ASAP1: variants seen among roughly 807,000 people sequenced by gnomAD.
The protein encoded by ASAP1 is arf-GAP with SH3 domain, ANK repeat and PH domain-containing protein 1.
ASAP1 carries 43 observed loss-of-function variants against 145.2 expected under a neutral mutation model. That is an observed-to-expected ratio of 0.30 (90% CI 0.23 to 0.38). ASAP1 has a LOEUF of 0.38. Among genes scored for constraint, ASAP1 ranks in the 10% least tolerant of loss-of-function variants. The probability of loss-of-function intolerance (pLI) is 1.00; values close to 1 mark genes in which losing one functional copy is unlikely to be tolerated. For synonymous variants in ASAP1, 546 were observed against 515.5 expected, an observed-to-expected ratio of 1.06 and a Z score of -0.80; for missense variants, 1,018 against 1,355.3, an observed-to-expected ratio of 0.75 and a Z score of 3.91.
intron 29 of ASAP1, among the ~76,000 whole-genome samples, chr8:130,057,267 A>G (rs1483794248): frequency 6.6e-6 from 1 of 152,176 alleles, no homozygotes; most frequent in Non-Finnish European, 1.5e-5. Context: ...GTCAGGGCCG[A>G]TCTGGAATCT....
chr8:130,124,401 C>T lies in ASAP1; in HGVS notation c.1516-297G>A, dbSNP rs564133669. Among the ~76,000 whole-genome samples the T allele has an allele frequency of 2.0e-5, 3 of 152,208 alleles. No homozygotes were observed. The East Asian group carries it at 5.8e-4, about 29-fold the overall frequency. ...CATGTCTACAAATATGTGATAAATG[C>T]TAGAACAGAATCTGGTTCTACACAC... On this transcript the variant is annotated intron_variant, in intron 17 of 29. Coordinates refer to ENST00000518721, the MANE Select transcript of ASAP1 (RefSeq NM_018482.4).
chr8:130,072,791 A>ATGTGTGTG (rs1491261390), intron 27 of ASAP1, among the ~76,000 whole-genome samples: 1,199 of 91,140 alleles, frequency 0.013, 110 homozygotes, highest in African/African-American at 0.045. Context: ...CTTGCAATTG[A>ATGTGTGTG]TATGTGTGTG....
intron 3 of ASAP1, among the ~76,000 whole-genome samples, chr8:130,286,411 T>C (rs1348889849): frequency 6.6e-6 from 1 of 152,192 alleles, no homozygotes; most frequent in Admixed American, 6.5e-5. Flanking sequence ...ATCACTTACT[T>C]TGATATAAAA....
chr8:130,357,937 C>G (rs1014078686), intron 3 of ASAP1, 80 bp downstream of exon 3: 22 of 1,506,884 alleles, frequency 1.5e-5, no homozygotes, highest in Admixed American at 1.2e-4. Flanking sequence ...CGTCCCCTTC[C>G]TCCCAGCTCG....
chr8:130,303,488 G>A (rs1822801616), intron 3 of ASAP1, among the ~76,000 whole-genome samples: 1 of 151,974 alleles, frequency 6.6e-6, no homozygotes, highest in African/African-American at 2.4e-5. Flanking sequence ...ACCAAAAAAT[G>A]TTTCCAGAGA....
chr8:130,089,621 T>C (rs1157930525), intron 25 of ASAP1, among the ~76,000 whole-genome samples: 2 of 152,116 alleles, frequency 1.3e-5, no homozygotes, highest in African/African-American at 4.8e-5. Context: ...TACAATACAA[T>C]GTCAGCAGGA....
intron 3 of ASAP1, among the ~76,000 whole-genome samples, chr8:130,279,808 C>T (rs891891295): frequency 3.9e-5 from 6 of 152,058 alleles, no homozygotes; most frequent in Non-Finnish European, 7.4e-5. Context: ...AGCAGGAAAC[C>T]GGTCCACTAA....
intron 3 of ASAP1, among the ~76,000 whole-genome samples, chr8:130,348,486 C>G (rs1195665059): frequency 6.6e-6 from 1 of 152,176 alleles, no homozygotes; most frequent in Non-Finnish European, 1.5e-5. Context: ...TCTTACACAA[C>G]TGACCACAAA....
At chr8:130,319,260 C>G (rs905000690) in intron 3 of ASAP1, among the ~76,000 whole-genome samples, 20 of 152,144 alleles carry the variant, frequency 1.3e-4, no homozygotes, top group African/African-American at 4.6e-4. Flanking sequence ...AACCAGCCCC[C>G]AGCTGCTACT....
At chr8:130,197,995 C>T (rs1269919184) in intron 5 of ASAP1, among the ~76,000 whole-genome samples, 1 of 152,196 alleles carries the variant, frequency 6.6e-6, no homozygotes. Context: ...GCCCCTAATA[C>T]ACCCCATGTC....
chr8:130,394,693 C>G (rs1400076640), intron 2 of ASAP1, among the ~76,000 whole-genome samples: 1 of 152,118 alleles, frequency 6.6e-6, no homozygotes, highest in Non-Finnish European at 1.5e-5. Flanking sequence ...TGTGATGTCT[C>G]CCCAGGACAC....
chr8:130,270,922 T>C (rs1268056819), intron 3 of ASAP1, among the ~76,000 whole-genome samples: 1 of 152,188 alleles, frequency 6.6e-6, no homozygotes, highest in Non-Finnish European at 1.5e-5. Flanking sequence ...TGAGAAGTAG[T>C]TCACCCTACA....
chr8:130,343,031 G>C (rs1825484190), intron 3 of ASAP1, among the ~76,000 whole-genome samples: 1 of 152,236 alleles, frequency 6.6e-6, no homozygotes, highest in African/African-American at 2.4e-5. Context: ...GAAATGTCCT[G>C]TGACTTAGTC....
chr8:130,192,213 G>A (rs142901384), intron 5 of ASAP1, among the ~76,000 whole-genome samples: 2,522 of 151,544 alleles, frequency 0.017, 33 homozygotes, highest in Middle Eastern at 0.051. Flanking sequence ...TGGGGAGTGG[G>A]GCAAAAAATA....
chr8:130,089,782 G>A (rs2097501723), intron 25 of ASAP1, among the ~76,000 whole-genome samples: 1 of 152,178 alleles, frequency 6.6e-6, no homozygotes, highest in Admixed American at 6.5e-5. Context: ...TCTGTAGACA[G>A]TATATCTCAC....
intron 3 of ASAP1, among the ~76,000 whole-genome samples, chr8:130,280,050 G>C (rs149759865): frequency 6.6e-6 from 1 of 152,048 alleles, no homozygotes; most frequent in Non-Finnish European, 1.5e-5. Context: ...ATTTTATTTG[G>C]TCATCAAAAA....
chr8:130,252,303 G>C (rs1819247019), intron 3 of ASAP1, among the ~76,000 whole-genome samples: 1 of 152,136 alleles, frequency 6.6e-6, no homozygotes, highest in Non-Finnish European at 1.5e-5. Context: ...GAACTGTAAA[G>C]TGCAGAGAGG....
At chr8:130,081,588 T>TA (rs1427490624) in intron 25 of ASAP1, among the ~76,000 whole-genome samples, 8 of 58,116 alleles carry the variant, frequency 1.4e-4, no homozygotes, top group African/African-American at 6.8e-4. Flanking sequence ...AGGGCAGGGC[T>TA]GAAAAAAAAC....
chr8:130,076,394 T>C lies in ASAP1; in HGVS notation c.2655A>G (p.Ala885=), dbSNP rs1439839867. The part of the protein sequence containing the change: ...GLSQQSSTSS[A]KTALGPRVLP... ...GAACTCTTGGGCCAAGGGCAGTCTT[T>C]GCAGAACTGGTGCTAATCAACAAAT... The change falls in exon 27 of 30, where the codon GCA becomes GCG. Residue 885 remains alanine, a synonymous_variant. Transcript: ENST00000518721. 1.2e-6 allele frequency: 2 copies of C among 1,611,502 alleles called. No individual in the cohort carries two copies. Among genetic ancestry groups the C allele is most frequent in the Non-Finnish European group, 8.5e-7 (1 of 1,178,824 alleles).
Sources: allele counts gnomAD v4.1 joint callset (sites outside exome capture counted in the v4.1 genomes callset), GRCh38; gene constraint gnomAD v4.1.1; transcripts MANE v1.5; gene names NCBI Gene and HGNC (gene_info 2026-07-23, HGNC 2026-07-21).